The following LIMA1 variants were observed in gnomAD, a reference collection of about 807,000 sequenced individuals.
LIMA1 encodes the protein LIM domain and actin-binding protein 1.
LIMA1 carries 52 observed loss-of-function variants against 62.6 expected under a neutral mutation model. The observed-to-expected ratio is 0.83, with a 90% CI of 0.67 to 1.05. The LOEUF is 1.05. LIMA1 is among the 50% of genes least tolerant of loss of function. The probability of loss-of-function intolerance (pLI) is 0.00; values close to 1 mark genes in which losing one functional copy is unlikely to be tolerated. For synonymous variants in LIMA1, 302 were observed against 317.8 expected, an observed-to-expected ratio of 0.95 and a Z score of 0.53; for missense variants, 780 against 902.2, an observed-to-expected ratio of 0.86 and a Z score of 1.74.
intron 1 of LIMA1, among the ~76,000 whole-genome samples, chr12:50,268,556 T>C (rs1468869140): frequency 6.6e-6 from 1 of 152,146 alleles, no homozygotes; most frequent in Non-Finnish European, 1.5e-5. Flanking sequence ...CTCATTCCAT[T>C]TGATCTTATT....
rs1228141349 is a variant in LIMA1, at chr12:50,193,648, G to GTATA, written c.1031-1088_1031-1087insTATA. ...TATATATACGTGTGTGTGTGTGTGT[G>GTATA]TGTATATATATATATATATTTTTTT... is the stretch of plus-strand genomic sequence containing the variant. On this transcript the variant is annotated intron_variant, in intron 8 of 10. Coordinates refer to ENST00000341247, the MANE Select transcript of LIMA1 (RefSeq NM_016357.5). Among the ~76,000 whole-genome samples the GTATA allele has an allele frequency of 3.1e-3, 170 of 55,472 alleles. 4 individuals are homozygous for GTATA. The highest frequency in any genetic ancestry group is 8.2e-3 in the African/African-American group (99 of 12,138). 36.4% of individuals were successfully genotyped at this position (55,472 alleles called of 152,430 possible).
intron 4 of LIMA1, chr12:50,217,894 G>T (rs889589454): frequency 1.1e-4 from 17 of 159,604 alleles, no homozygotes; most frequent in Non-Finnish European, 1.6e-4. Context: ...TTCAAGTGAT[G>T]AATTTCTTTT....
rs530130278 is a variant in LIMA1 at position 50,257,775 on chromosome 12, G to A, written c.-23-9001C>T. Reference sequence around the variant, plus strand: ...ATAATGATGGTCTCAAGTAGTAACAGTAGTAACTGTCATAGTGATGGTCTC... The same window carrying A: ...ATAATGATGGTCTCAAGTAGTAACAATAGTAACTGTCATAGTGATGGTCTC... On this transcript the variant is annotated intron_variant, in intron 1 of 10. Coordinates refer to ENST00000341247, the MANE Select transcript of LIMA1 (RefSeq NM_016357.5). 5.9e-5 allele frequency among the ~76,000 whole-genome samples: 9 copies of A among 152,298 alleles called. No individual in the cohort carries two copies. In the South Asian group the frequency reaches 1.9e-3, roughly 32 times the overall value.
rs141292756 is a variant in LIMA1, at chr12:50,282,719, C to T, written c.-24+701G>A. On this transcript the variant is annotated intron_variant, in intron 1 of 10. Transcript: ENST00000341247. ...TGCAAGACAATAGTAGTTCAAATAT[C>T]TCTCACCAGGATCAGCTAAACCGTT... Among the ~76,000 whole-genome samples the T allele has an allele frequency of 2.2e-3, 328 of 152,330 alleles. 2 individuals carry two copies. The highest frequency in any genetic ancestry group is 0.01 in the South Asian group (49 of 4,830).
rs1215742051 is a variant in LIMA1, at chr12:50,263,851, T to TAG, written c.-23-15079_-23-15078dup. On this transcript the variant is annotated intron_variant, in intron 1 of 10. Transcript: ENST00000341247. ...TAGAGAGAGTATATATATATATATA[T>TAG]AGAGAGTATATATATATATATATAT... Among the ~76,000 whole-genome samples the TAG allele has an allele frequency of 4.2e-3, 533 of 127,860 alleles. 6 individuals are homozygous for TAG. Among genetic ancestry groups the TAG allele is most frequent in the Non-Finnish European group, 6.8e-3 (427 of 62,512 alleles). 83.9% of individuals were successfully genotyped at this position (127,860 alleles called of 152,430 possible).
At chr12:50,276,284 G>T (rs1942274877) in intron 1 of LIMA1, among the ~76,000 whole-genome samples, 1 of 152,104 alleles carries the variant, frequency 6.6e-6, no homozygotes, top group Non-Finnish European at 1.5e-5. Context: ...GTATTAAAGT[G>T]GTAAGTACAA....
intron 1 of LIMA1, among the ~76,000 whole-genome samples, chr12:50,250,790 G>A (rs1941920210): frequency 6.6e-6 from 1 of 151,986 alleles, no homozygotes; most frequent in African/African-American, 2.4e-5. Context: ...AGTCTAAGTG[G>A]GAATGTTGGC....
chr12:50,206,437 T>G (rs1592519026), intron 4 of LIMA1, among the ~76,000 whole-genome samples: 2 of 152,336 alleles, frequency 1.3e-5, no homozygotes, highest in East Asian at 3.9e-4. Flanking sequence ...TATTGCTGCC[T>G]TAGTTCATGT....
chr12:50,180,736 T>A (rs1296291146), intron 10 of LIMA1, among the ~76,000 whole-genome samples: 1 of 152,058 alleles, frequency 6.6e-6, no homozygotes, highest in East Asian at 1.9e-4. Context: ...CTTTTTAAAG[T>A]TTTTTCCCTT....
intron 1 of LIMA1, among the ~76,000 whole-genome samples, chr12:50,249,231 C>T (rs1423542883): frequency 2.6e-5 from 4 of 152,190 alleles, no homozygotes; most frequent in Non-Finnish European, 5.9e-5. Context: ...AGGGAGAGAG[C>T]TGGGGGCGCA....
At chr12:50,259,277 A>G (rs1942036554) in intron 1 of LIMA1, among the ~76,000 whole-genome samples, 1 of 152,306 alleles carries the variant, frequency 6.6e-6, no homozygotes, top group South Asian at 2.1e-4. Flanking sequence ...CCTAATCAGC[A>G]TAAGTCAATC....
intron 7 of LIMA1, among the ~76,000 whole-genome samples, chr12:50,198,537 G>C (rs1940978086): frequency 6.6e-6 from 1 of 152,280 alleles, no homozygotes; most frequent in East Asian, 1.9e-4. Context: ...CTGGGTGACA[G>C]AGCAAGACCT....
At chr12:50,221,929 T>C in intron 4 of LIMA1, 92 bp downstream of exon 4, 2 of 1,021,504 alleles carry the variant, frequency 2.0e-6, no homozygotes, top group Non-Finnish European at 2.9e-6. Context: ...TGACCACATA[T>C]TCGCCTCTAC....
At chr12:50,205,873 C>A in intron 5 of LIMA1, 111 bp downstream of exon 5, 2 of 601,932 alleles carry the variant, frequency 3.3e-6, no homozygotes, top group South Asian at 3.1e-5. Flanking sequence ...GGCAGACTTC[C>A]TTTTAATTTG....
At chr12:50,201,118 G>A (rs1419666521) in intron 6 of LIMA1, 1 of 1,279,562 alleles carries the variant, frequency 7.8e-7, no homozygotes, top group East Asian at 3.8e-5. Flanking sequence ...AAACTGGATT[G>A]CTCATTAGAA....
chr12:50,240,258 G>A (rs1193513143), intron 2 of LIMA1, among the ~76,000 whole-genome samples: 2 of 152,112 alleles, frequency 1.3e-5, no homozygotes, highest in Non-Finnish European at 2.9e-5. Flanking sequence ...TAGTGTTGCA[G>A]AAGCTCACTG....
At chr12:50,245,716 TAA>T (rs879849746) in intron 2 of LIMA1, among the ~76,000 whole-genome samples, 1 of 138,942 alleles carries the variant, frequency 7.2e-6, no homozygotes, top group African/African-American at 2.6e-5. Flanking sequence ...TGAGAAACAC[TAA>T]AAAAAAAAAA....
intron 1 of LIMA1, among the ~76,000 whole-genome samples, chr12:50,271,691 G>A (rs79471764): frequency 0.019 from 2,963 of 152,266 alleles, 51 homozygotes; most frequent in Non-Finnish European, 0.029. Context: ...ACAAAGCACA[G>A]ACTTCCTCTG....
At chr12:50,270,334 C>T (rs1179421991) in intron 1 of LIMA1, among the ~76,000 whole-genome samples, 2 of 147,372 alleles carry the variant, frequency 1.4e-5, no homozygotes, top group Admixed American at 1.4e-4. Flanking sequence ...CACAGTGGCT[C>T]ACGCCTGTAA....
Sources: gnomAD v4.1 joint callset for allele counts (sites outside exome capture counted in the v4.1 genomes callset) on GRCh38, gnomAD v4.1.1 for gene constraint, MANE v1.5 for transcripts, NCBI Gene and HGNC (gene_info 2026-07-23, HGNC 2026-07-21) for gene names.